ABCA13: variants seen among roughly 807,000 people sequenced by gnomAD.
The protein encoded by ABCA13 is ATP binding cassette subfamily A member 13, also known as ATP-binding cassette sub-family A member 13.
ABCA13 carries 476 observed loss-of-function variants against 478.7 expected under a neutral mutation model. That is an observed-to-expected ratio of 0.99 (90% confidence interval 0.92 to 1.07). The LOEUF is 1.07. Among genes scored for constraint, ABCA13 ranks in the 50% least tolerant of loss-of-function variants. The pLI, the probability that ABCA13 is intolerant of heterozygous loss-of-function variation, is 0.00. For synonymous variants in ABCA13, 2,252 were observed against 2,158.9 expected (o/e 1.04, Z -1.20); for missense variants, 6,060 against 5,910.6 (o/e 1.03, Z -0.83).
chr7:48,580,130 C>A, intron 55 of ABCA13, 94 bp from the exon 56 acceptor site: 1 of 1,264,266 alleles, frequency 7.9e-7, no homozygotes, highest in Non-Finnish European at 1.1e-6. Context: ...AAATAAACTG[C>A]AGTGGACTTG....
chr7:48,525,670 CTTTTTTT>C (rs538127881), intron 54 of ABCA13, among the ~76,000 whole-genome samples: 38 of 68,306 alleles, frequency 5.6e-4, no homozygotes, highest in Non-Finnish European at 9.2e-4. Context: ...TTTAGATGCG[CTTTTTTT>C]TTTTTTTTTT....
chr7:48,479,079 C>G (rs1828469669), intron 45 of ABCA13, among the ~76,000 whole-genome samples: 1 of 150,966 alleles, frequency 6.6e-6, no homozygotes, highest in Admixed American at 6.7e-5. Context: ...TCCCAAGTAG[C>G]TGGGACTACA....
Position 48,345,363 on chromosome 7 carries a change from A to G in ABCA13, c.10205-5280A>G, listed in dbSNP as rs192321130. Among the ~76,000 whole-genome samples, 226 of 152,286 alleles carry G rather than the reference A, an allele frequency of 1.5e-3. 1 individual carries two copies. The highest frequency in any genetic ancestry group is 5.1e-3 in the African/African-American group (210 of 41,552). On this transcript the variant is annotated intron_variant, in intron 29 of 61. Coordinates refer to ENST00000435803, the MANE Select transcript of ABCA13 (RefSeq NM_152701.5). The stretch of plus-strand genomic sequence containing the variant: ...CCTCAGGAGGTATCCAGAAAAATCC[A>G]TTGCTAGCACAGGAGATGACAGCTC...
At chr7:48,222,144 T>C (rs771143890) in intron 5 of ABCA13, among the ~76,000 whole-genome samples, 11 of 152,192 alleles carry the variant, frequency 7.2e-5, no homozygotes, top group Admixed American at 7.2e-4. Context: ...AGTGCATCCA[T>C]TAAATAATGA....
intron 27 of ABCA13, among the ~76,000 whole-genome samples, chr7:48,332,569 T>C (rs1217276444): frequency 6.6e-6 from 1 of 152,252 alleles, no homozygotes; most frequent in Non-Finnish European, 1.5e-5. Flanking sequence ...TGGTCTGTTG[T>C]ATTCACCCAC....
intron 27 of ABCA13, among the ~76,000 whole-genome samples, chr7:48,334,539 G>A (rs1805928076): frequency 6.6e-6 from 1 of 152,162 alleles, no homozygotes; most frequent in Non-Finnish European, 1.5e-5. Flanking sequence ...GTTTCATTGT[G>A]TTAGCCAGGA....
intron 53 of ABCA13, among the ~76,000 whole-genome samples, chr7:48,524,032 A>C (rs898650687): frequency 1.3e-5 from 2 of 152,222 alleles, no homozygotes; most frequent in African/African-American, 2.4e-5. Flanking sequence ...AGTATCTTTT[A>C]GGAATGTATA....
At chr7:48,304,451 A>G (rs1008426934) in intron 23 of ABCA13, among the ~76,000 whole-genome samples, 2 of 152,234 alleles carry the variant, frequency 1.3e-5, no homozygotes, top group South Asian at 2.1e-4. Flanking sequence ...CAGTGTATAA[A>G]TGTTCCCTTT....
chr7:48,616,600 T>G (rs1025402720), intron 59 of ABCA13, among the ~76,000 whole-genome samples: 1 of 152,210 alleles, frequency 6.6e-6, no homozygotes, highest in South Asian at 2.1e-4. Context: ...TACTTCGGAG[T>G]TTGGGTTCCC....
chr7:48,414,509 A>G lies in ABCA13; in HGVS notation c.12459+1926A>G, dbSNP rs182268965. On this transcript the variant is annotated intron_variant, in intron 41 of 61. Transcript: ENST00000435803. ...TTCATCCAGCTATATTTTTAATATA[A>G]AATGAATATTTTATTATTTAATAAA... Among the ~76,000 whole-genome samples, 905 of 150,972 alleles carry G rather than the reference A, an allele frequency of 6.0e-3. 2 individuals carry two copies. The highest frequency in any genetic ancestry group is 9.3e-3 in the Non-Finnish European group (627 of 67,774).
intron 27 of ABCA13, among the ~76,000 whole-genome samples, chr7:48,325,789 C>T (rs899102563): frequency 2.6e-5 from 4 of 152,194 alleles, no homozygotes; most frequent in Non-Finnish European, 5.9e-5. Context: ...GCCCCTAGAG[C>T]TGGGGCAGAG....
intron 31 of ABCA13, 75 bp downstream of exon 31, chr7:48,352,562 G>A (rs965894496): frequency 2.1e-6 from 3 of 1,415,914 alleles, no homozygotes; most frequent in Non-Finnish European, 2.8e-6. Flanking sequence ...AGAAAACTCA[G>A]TTTTTCTATG....
intron 42 of ABCA13, among the ~76,000 whole-genome samples, chr7:48,436,438 T>C (rs1822842436): frequency 6.6e-6 from 1 of 151,834 alleles, no homozygotes; most frequent in Non-Finnish European, 1.5e-5. Context: ...TAAAGGTTTA[T>C]CTATTCCGTT....
intron 1 of ABCA13, among the ~76,000 whole-genome samples, chr7:48,178,671 C>T (rs1795218455): frequency 1.4e-5 from 2 of 146,900 alleles, no homozygotes; most frequent in Non-Finnish European, 3.0e-5. Flanking sequence ...GAGACTCTAT[C>T]TCAAAAAAAT....
At chr7:48,268,443 G>A (rs984175405) in intron 15 of ABCA13, among the ~76,000 whole-genome samples, 1 of 152,106 alleles carries the variant, frequency 6.6e-6, no homozygotes, top group Non-Finnish European at 1.5e-5. Flanking sequence ...ACAGGCGTGA[G>A]CCACCACACC....
chr7:48,178,195 C>T (rs1795142176), intron 1 of ABCA13, among the ~76,000 whole-genome samples: 1 of 152,044 alleles, frequency 6.6e-6, no homozygotes, highest in South Asian at 2.1e-4. Context: ...CACCCTCTCT[C>T]AAAGCACTAG....
chr7:48,532,667 A>G (rs1833318861), intron 55 of ABCA13, among the ~76,000 whole-genome samples: 3 of 151,894 alleles, frequency 2.0e-5, no homozygotes, highest in Admixed American at 6.6e-5. Flanking sequence ...TTTAATTATC[A>G]TTTCAATCTT....
At chr7:48,411,098 C>T (rs1819109005) in intron 40 of ABCA13, among the ~76,000 whole-genome samples, 1 of 119,114 alleles carries the variant, frequency 8.4e-6, no homozygotes, top group Admixed American at 1.0e-4. Flanking sequence ...CTTTCCTTTC[C>T]TTTCCTTTTC....
chr7:48,284,694 A>C (rs1035764703), intron 19 of ABCA13, among the ~76,000 whole-genome samples: 7 of 152,366 alleles, frequency 4.6e-5, no homozygotes, highest in Non-Finnish European at 2.9e-5. Context: ...AGCATACTTG[A>C]GATTACATTA....
Sources: gnomAD v4.1 joint callset for allele counts (sites outside exome capture counted in the v4.1 genomes callset) on GRCh38, gnomAD v4.1.1 for gene constraint, MANE v1.5 for transcripts, NCBI Gene and HGNC (gene_info 2026-07-23, HGNC 2026-07-21) for gene names.